The following TMEM132D variants were observed in gnomAD, a reference collection of about 807,000 sequenced individuals.
TMEM132D encodes the protein mature OL transmembrane protein.
In TMEM132D, 21 loss-of-function variants were observed where a neutral mutation model predicts 62.3. That is an observed-to-expected ratio of 0.34 (90% CI 0.24 to 0.49). The LOEUF (loss-of-function observed/expected upper bound fraction) is 0.49. Ranked by LOEUF, TMEM132D falls within the 20% of genes least tolerant of loss-of-function variation. The pLI is 0.99. For synonymous variants in TMEM132D, 621 were observed against 575.6 expected, an observed-to-expected ratio of 1.08 and a Z score of -1.13; for missense variants, 1,346 against 1,402.8, an observed-to-expected ratio of 0.96 and a Z score of 0.65.
At chr12:129,620,224 C>T (rs1043064992) in intron 2 of TMEM132D, among the ~76,000 whole-genome samples, 2 of 152,232 alleles carry the variant, frequency 1.3e-5, no homozygotes, top group Non-Finnish European at 2.9e-5. Flanking sequence ...ATTACCGTGG[C>T]AGCCACTTCC....
At chr12:129,421,391 T>C (rs1872320606) in intron 3 of TMEM132D, among the ~76,000 whole-genome samples, 1 of 152,258 alleles carries the variant, frequency 6.6e-6, no homozygotes, top group African/African-American at 2.4e-5. Flanking sequence ...CCAGTGGTTC[T>C]CATGTGAGGG....
In TMEM132D at chr12:129,171,642, G is replaced by A. The variant is rs568540191; in HGVS notation, c.1443+37878C>T. ...TAGGCTGCAGAGTGGATGTTGTGTT[G>A]GCAGGTGTGAAAACAAGATTCATCT... is the stretch of plus-strand genomic sequence containing the variant. On this transcript the variant is annotated intron_variant, in intron 5 of 8. Coordinates refer to ENST00000422113, the MANE Select transcript of TMEM132D (RefSeq NM_133448.3). Among the ~76,000 whole-genome samples, 8 of 152,264 alleles carry A rather than the reference G, an allele frequency of 5.3e-5. No homozygotes were observed. The South Asian group carries it at 1.7e-3, about 32-fold the overall frequency.
chr12:129,902,171 T>C (rs922939968), intron 1 of TMEM132D, among the ~76,000 whole-genome samples: 2 of 152,180 alleles, frequency 1.3e-5, no homozygotes, highest in Non-Finnish European at 2.9e-5. Context: ...CAAAGCAACA[T>C]AACCTCAGTG....
At chr12:129,661,902 C>G (rs1880245932) in intron 2 of TMEM132D, among the ~76,000 whole-genome samples, 1 of 152,084 alleles carries the variant, frequency 6.6e-6, no homozygotes. Flanking sequence ...TATGGCTGGT[C>G]ATATCTTCAT....
chr12:129,886,356 C>T (rs928225608), intron 1 of TMEM132D, among the ~76,000 whole-genome samples: 1 of 152,024 alleles, frequency 6.6e-6, no homozygotes, highest in Non-Finnish European at 1.5e-5. Flanking sequence ...AATCAAAGAA[C>T]TGTGTGTGAG....
intron 3 of TMEM132D, among the ~76,000 whole-genome samples, chr12:129,401,310 T>C (rs1871614120): frequency 6.6e-6 from 1 of 152,214 alleles, no homozygotes; most frequent in South Asian, 2.1e-4. Flanking sequence ...CTCATGCCTG[T>C]AATCCCAACA....
chr12:129,316,881 C>T (rs1448034908), intron 4 of TMEM132D, among the ~76,000 whole-genome samples: 1 of 152,136 alleles, frequency 6.6e-6, no homozygotes, highest in Non-Finnish European at 1.5e-5. Context: ...TTGGACAAGG[C>T]CTTTTACCAT....
At chr12:129,455,451 A>C (rs1873434888) in intron 3 of TMEM132D, among the ~76,000 whole-genome samples, 1 of 152,250 alleles carries the variant, frequency 6.6e-6, no homozygotes, top group Non-Finnish European at 1.5e-5. Flanking sequence ...CTTTTAAAAA[A>C]CACAGATTTG....
At chr12:129,648,664 T>A (rs776103920) in intron 2 of TMEM132D, among the ~76,000 whole-genome samples, 2 of 152,230 alleles carry the variant, frequency 1.3e-5, no homozygotes, top group Non-Finnish European at 2.9e-5. Flanking sequence ...AATGTATCTA[T>A]GTTCAATTGG....
intron 4 of TMEM132D, among the ~76,000 whole-genome samples, chr12:129,319,954 T>C (rs1017985928): frequency 6.6e-6 from 1 of 152,170 alleles, no homozygotes; most frequent in African/African-American, 2.4e-5. Context: ...TGAGATGATA[T>C]TTTAGAGAGA....
chr12:129,309,226 T>G (rs1224329975), intron 4 of TMEM132D, among the ~76,000 whole-genome samples: 1 of 152,224 alleles, frequency 6.6e-6, no homozygotes, highest in East Asian at 1.9e-4. Context: ...TATTAATATA[T>G]TCCCTCTGGT....
chr12:129,148,946 G>A (rs948983128), intron 5 of TMEM132D, among the ~76,000 whole-genome samples: 1 of 152,120 alleles, frequency 6.6e-6, no homozygotes, highest in African/African-American at 2.4e-5. Flanking sequence ...TGTAGGAAGG[G>A]AGGTGTTCTC....
chr12:129,380,757 T>G (rs1593357987), intron 3 of TMEM132D, among the ~76,000 whole-genome samples: 1 of 152,146 alleles, frequency 6.6e-6, no homozygotes, highest in East Asian at 1.9e-4. Flanking sequence ...CAACCGCTAT[T>G]GTGTTCTCCA....
rs1372744744 is a variant in TMEM132D at position 129,371,453 on chromosome 12, ATGG to A, written c.1116-33639_1116-33637del. 6.6e-6 allele frequency among the ~76,000 whole-genome samples: 1 copy of A among 151,800 alleles called. No homozygotes were observed. The highest frequency in any genetic ancestry group is 1.5e-5 in the Non-Finnish European group (1 of 67,960). On this transcript the variant is annotated intron_variant, in intron 3 of 8. Coordinates refer to ENST00000422113, the MANE Select transcript of TMEM132D (RefSeq NM_133448.3). This position sits in a 1 kb window ranked among gnomAD's most constrained non-coding sequence, Gnocchi z 4.3. ...AGATGATGATGATGTGATATTGATG[ATGG>A]TGGTAATGACGATGATGATGTGATA...
At chr12:129,391,526 T>A (rs1871289385) in intron 3 of TMEM132D, among the ~76,000 whole-genome samples, 1 of 152,152 alleles carries the variant, frequency 6.6e-6, no homozygotes. Context: ...GCACGGGCGG[T>A]GCCTGGACAA....
chr12:129,286,875 C>T (rs1203519385), intron 4 of TMEM132D, among the ~76,000 whole-genome samples: 2 of 152,044 alleles, frequency 1.3e-5, no homozygotes, highest in Non-Finnish European at 2.9e-5. Context: ...TGGTGAAACC[C>T]CGTCTCTACT....
At chr12:129,232,663 C>A (rs1437846488) in intron 4 of TMEM132D, among the ~76,000 whole-genome samples, 1 of 152,158 alleles carries the variant, frequency 6.6e-6, no homozygotes, top group East Asian at 1.9e-4. Flanking sequence ...TTAGTTTGTT[C>A]TCCCACTGCT....
intron 2 of TMEM132D, among the ~76,000 whole-genome samples, chr12:129,623,632 G>GGT (rs769456003): frequency 3.4e-5 from 5 of 148,530 alleles, no homozygotes; most frequent in Admixed American, 6.7e-5. Context: ...AGTATTCCAT[G>GGT]GTGTGTGTGT....
chr12:129,357,264 AGAAAG>A (rs1870096818), intron 3 of TMEM132D, among the ~76,000 whole-genome samples: 1 of 150,530 alleles, frequency 6.6e-6, no homozygotes, highest in Non-Finnish European at 1.5e-5. Flanking sequence ...AAAAAAGAAA[AGAAAG>A]AAGGGAGGGA....
Sources: allele counts gnomAD v4.1 joint callset (sites outside exome capture counted in the v4.1 genomes callset), GRCh38; gene constraint gnomAD v4.1.1; non-coding constraint Gnocchi (gnomAD v3.1); transcripts MANE v1.5; gene names NCBI Gene and HGNC (gene_info 2026-07-23, HGNC 2026-07-21).